The following OSMR variants were observed in gnomAD, a reference collection of about 807,000 sequenced individuals.
OSMR encodes the protein oncostatin M receptor, also known as oncostatin-M-specific receptor subunit beta.
In OSMR, 81 loss-of-function variants were observed where a neutral mutation model predicts 99.9. That is an observed-to-expected ratio of 0.81 (90% CI 0.68 to 0.97). OSMR has a LOEUF of 0.97. Ranked by LOEUF, OSMR falls within the 50% of genes least tolerant of loss-of-function variation. OSMR has a pLI of 0.00. For missense variants in OSMR, 1,099 were observed against 1,153.4 expected, an observed-to-expected ratio of 0.95 and a Z score of 0.68; for synonymous variants, 406 against 410.4, an observed-to-expected ratio of 0.99 and a Z score of 0.13.
intron 9 of OSMR, among the ~76,000 whole-genome samples, chr5:38,908,318 A>C (rs1745372431): frequency 6.6e-6 from 1 of 152,152 alleles, no homozygotes; most frequent in African/African-American, 2.4e-5. Context: ...TGTCACTGGC[A>C]CTTCTGCCTC....
rs138438657 is a variant in OSMR at position 38,895,324 on chromosome 5, G to A, written c.992-8558G>A. ...GAAACCAAACACTGGTTTTTTGAAA[G>A]GATAAACAGGATTGATAGACCACTA... On this transcript the variant is annotated intron_variant, in intron 7 of 17. Coordinates refer to ENST00000274276, the MANE Select transcript of OSMR (RefSeq NM_003999.3). 1.3e-3 allele frequency among the ~76,000 whole-genome samples: 196 copies of A among 152,102 alleles called. 1 individual carries two copies. The highest frequency in any genetic ancestry group is 2.0e-3 in the Non-Finnish European group (138 of 67,886).
intron 3 of OSMR, among the ~76,000 whole-genome samples, chr5:38,880,191 G>A (rs1180451517): frequency 6.6e-6 from 1 of 152,194 alleles, no homozygotes; most frequent in Non-Finnish European, 1.5e-5. Flanking sequence ...GACCTGAATA[G>A]GGGGCAGACA....
Position 38,884,067 on chromosome 5 carries a change from G to A in OSMR, c.659G>A (p.Gly220Glu). ...GTNIYCEASQ[G>E]NVSEGMKGIV... ...AATATCTATTGTGAGGCAAGTCAAG[G>A]AAATGTCAGTGAAGGCATGAAAGGC... is the stretch of plus-strand genomic sequence containing the variant. Residue 220 changes from glycine (G) to glutamate (E), a missense_variant, in exon 5 of 18, where the codon GGA becomes GAA. Transcript: ENST00000274276. 1 of 1,614,120 alleles carries A rather than the reference G, an allele frequency of 6.2e-7. No individual in the cohort carries two copies. Among genetic ancestry groups the A allele is most frequent in the Non-Finnish European group, 8.5e-7 (1 of 1,179,972 alleles).
At chr5:38,881,563 T>C in intron 3 of OSMR, 30 bp from the exon 4 acceptor site, 1 of 1,614,108 alleles carries the variant, frequency 6.2e-7, no homozygotes, top group Non-Finnish European at 8.5e-7. Flanking sequence ...GATGGCTATG[T>C]GTCTCCAATT....
chr5:38,866,476 T>C (rs1370155032), intron 1 of OSMR, among the ~76,000 whole-genome samples: 1 of 152,208 alleles, frequency 6.6e-6, no homozygotes, highest in Non-Finnish European at 1.5e-5. Flanking sequence ...TCTTTTGTTC[T>C]GAGGGTAGCT....
downstream of OSMR, chr5:38,940,580 T>A (rs1042554340): frequency 1.3e-5 from 3 of 232,522 alleles, no homozygotes; most frequent in Non-Finnish European, 2.6e-5. Flanking sequence ...CAACTGGATT[T>A]TATGAGAGAA....
Position 38,933,086 on chromosome 5 carries a change from A to G in OSMR, c.2582A>G (p.Tyr861Cys). The G allele has an allele frequency of 6.2e-7, 1 of 1,614,184 alleles. No individual in the cohort carries two copies. Among genetic ancestry groups the G allele is most frequent in the Non-Finnish European group, 8.5e-7 (1 of 1,180,036 alleles). The change falls in exon 18 of 18, where the codon TAT becomes TGT. Residue 861 changes from tyrosine to cysteine, a missense_variant. Transcript: ENST00000274276. ...TGCATCTGTTTTGAGAACTTGACCT[A>G]TAACCAGGCAGCTTCTGACTCTGGC... ...GPCICFENLT[Y>C]NQAASDSGSC...
intron 2 of OSMR, among the ~76,000 whole-genome samples, chr5:38,870,708 G>A (rs559295987): frequency 6.6e-6 from 1 of 152,298 alleles, no homozygotes; most frequent in East Asian, 1.9e-4. Flanking sequence ...TAGAAAGTGG[G>A]CACTTTTAAA....
intron 7 of OSMR, among the ~76,000 whole-genome samples, chr5:38,898,729 G>A (rs573292250): frequency 6.6e-6 from 1 of 151,486 alleles, no homozygotes; most frequent in Non-Finnish European, 1.5e-5. Context: ...TTCTCTGGTG[G>A]TATGATTTAA....
chr5:38,891,185 G>A (rs76225581), intron 7 of OSMR, among the ~76,000 whole-genome samples: 9,934 of 152,176 alleles, frequency 0.065, 417 homozygotes, highest in South Asian at 0.17. Context: ...TGAAACCAAG[G>A]TCAGAGTACT....
chr5:38,931,712 T>G, intron 15 of OSMR, 171 bp from the exon 16 acceptor site: 1 of 954,180 alleles, frequency 1.0e-6, no homozygotes, highest in South Asian at 4.9e-5. Context: ...GTTGGCTAGT[T>G]GGTTGGTTGG....
chr5:38,870,018 A>G (rs1023490510), intron 2 of OSMR, among the ~76,000 whole-genome samples: 1 of 152,150 alleles, frequency 6.6e-6, no homozygotes, highest in Non-Finnish European at 1.5e-5. Context: ...TTGAAACTCC[A>G]TGAAAATATA....
rs1746861616 is a variant in OSMR, at chr5:38,933,233, C to T, written c.2729C>T (p.Ala910Val). The change falls in exon 18 of 18, where the codon GCT becomes GTT. Residue 910 changes from alanine to valine, a missense_variant. Coordinates refer to ENST00000274276, the MANE Select transcript of OSMR (RefSeq NM_003999.3). Reference sequence around the variant, plus strand: ...ATGAACTCCCTGGGAGAAATCCCAGCTGGAGAAACAAGTTTGAATTATGTG... The same window carrying T: ...ATGAACTCCCTGGGAGAAATCCCAGTTGGAGAAACAAGTTTGAATTATGTG... ...NYMNSLGEIP[A>V]GETSLNYVSQ... 1.9e-6 allele frequency: 3 copies of T among 1,614,184 alleles called. No individual in the cohort carries two copies. Among genetic ancestry groups the T allele is most frequent in the South Asian group, 1.1e-5 (1 of 91,084 alleles).
intron 2 of OSMR, among the ~76,000 whole-genome samples, chr5:38,875,523 A>G (rs1742747047): frequency 1.3e-5 from 2 of 152,316 alleles, no homozygotes; most frequent in African/African-American, 4.8e-5. Flanking sequence ...TTGAATTCCT[A>G]TTCTTTTACA....
At chr5:38,856,077 A>C (rs1740814472) in intron 1 of OSMR, among the ~76,000 whole-genome samples, 1 of 152,132 alleles carries the variant, frequency 6.6e-6, no homozygotes. Context: ...TCGTTGTGTT[A>C]GTCAGGGTCC....
chr5:38,945,514 A>C (rs753524278), downstream of OSMR: 98 of 1,612,998 alleles, frequency 6.1e-5, 1 homozygote, highest in East Asian at 2.1e-3. Context: ...TATTGCACTC[A>C]GTTGGTTGCT....
chr5:38,931,764 A>G (rs1746762083), intron 15 of OSMR, 119 bp from the exon 16 acceptor site: 1 of 1,503,478 alleles, frequency 6.7e-7, no homozygotes, highest in Non-Finnish European at 8.9e-7. Context: ...TACAACTTGC[A>G]TACATAATTT....
At chr5:38,918,642 T>C (rs1746061978) in intron 10 of OSMR, 198 bp from the exon 11 acceptor site, 1 of 666,112 alleles carries the variant, frequency 1.5e-6, no homozygotes, top group African/African-American at 2.0e-5. Context: ...AATGATCCTC[T>C]TCTCTACTCA....
downstream of OSMR, chr5:38,939,259 A>C: frequency 4.3e-6 from 1 of 232,822 alleles, no homozygotes; most frequent in Non-Finnish European, 8.5e-6. Context: ...ATGCCCTGAA[A>C]AACTCAGCTT....
Sources: gnomAD v4.1 joint callset for allele counts (sites outside exome capture counted in the v4.1 genomes callset) on GRCh38, gnomAD v4.1.1 for gene constraint, MANE v1.5 for transcripts, NCBI Gene and HGNC (gene_info 2026-07-23, HGNC 2026-07-21) for gene names.